MOB3A: variants seen among roughly 807,000 people sequenced by gnomAD.
MOB3A encodes MOB kinase activator 3A.
A neutral mutation model predicts 17.8 loss-of-function variants in MOB3A; 17 were observed. The ratio of observed to expected loss-of-function variants is 0.95; its 90% CI spans 0.65 to 1.43. The LOEUF (loss-of-function observed/expected upper bound fraction) is 1.43. Among genes scored for constraint, MOB3A ranks in the 40% most tolerant of loss-of-function variants. The pLI, the probability that MOB3A is intolerant of heterozygous loss-of-function variation, is 0.00. For missense variants in MOB3A, 333 were observed against 310.8 expected (o/e 1.07, Z -0.54); for synonymous variants, 124 against 133.2 (o/e 0.93, Z 0.48).
intron 1 of MOB3A, among the ~76,000 whole-genome samples, chr19:2,085,963 CAAAAAAAAAAA>C (rs1036097194): frequency 6.0e-5 from 2 of 33,394 alleles, no homozygotes; most frequent in African/African-American, 2.5e-4. Flanking sequence ...GACTCTGTCT[CAAAAAAAAAAA>C]AAAAAAAAAA....
Position 2,073,351 on chromosome 19 carries a change from G to A in MOB3A, c.*44C>T, listed in dbSNP as rs193283677. ...CCAGAGCGTCCTCCTCCAAGTCTCCGAGGCCCCAGCGGCGGTTCGGGCACC... is the reference window on the plus strand; with the variant it reads ...CCAGAGCGTCCTCCTCCAAGTCTCCAAGGCCCCAGCGGCGGTTCGGGCACC... On this transcript the variant is annotated 3_prime_UTR_variant, in exon 5 of 5. Coordinates refer to ENST00000357066, the MANE Select transcript of MOB3A (RefSeq NM_130807.3). The A allele has an allele frequency of 5.4e-4, 874 of 1,611,254 alleles. 9 individuals carry two copies. The South Asian group carries it at 7.3e-3, about 13-fold the overall frequency.
Position 2,076,225 on chromosome 19 carries a change from C to T in MOB3A, c.624+586G>A, listed in dbSNP as rs536118891. The stretch of plus-strand genomic sequence containing the variant: ...GGGCAAACCACATGGTCAGGAGATC[C>T]ATCGAGACAATCCTGGCTAACACGG... On this transcript the variant is annotated intron_variant, in intron 4 of 4. Coordinates refer to ENST00000357066, the MANE Select transcript of MOB3A (RefSeq NM_130807.3). Among the ~76,000 whole-genome samples the T allele has an allele frequency of 1.1e-4, 16 of 151,246 alleles. No individual in the cohort carries two copies. The East Asian group carries it at 3.1e-3, about 30-fold the overall frequency.
At position 2,090,756 on chromosome 19, in the gene MOB3A, T is replaced by C. The variant is rs1267046686; in HGVS notation, c.-273-5428A>G. Among the ~76,000 whole-genome samples, 4 of 152,044 alleles carry C rather than the reference T, an allele frequency of 2.6e-5. 1 individual carries two copies. Among genetic ancestry groups the C allele is most frequent in the Admixed American group, 2.6e-4 (4 of 15,268 alleles). On this transcript the variant is annotated intron_variant, in intron 1 of 4. Transcript: ENST00000357066. Reference sequence around the variant, plus strand: ...TCGTCTCACTGCAACCTCCGCCTACTGGGTTCACGCCATTCTCCTGCCTCA... The same window carrying C: ...TCGTCTCACTGCAACCTCCGCCTACCGGGTTCACGCCATTCTCCTGCCTCA...
At chr19:2,081,209 C>T (rs906414786) in intron 2 of MOB3A, among the ~76,000 whole-genome samples, 2 of 152,138 alleles carry the variant, frequency 1.3e-5, no homozygotes, top group African/African-American at 2.4e-5. Flanking sequence ...GTCAACAGAA[C>T]GGCCCCCACC....
Position 2,094,001 on chromosome 19 carries a change from G to C in MOB3A, c.-274+2225C>G, listed in dbSNP as rs149343053. 1.8e-4 allele frequency among the ~76,000 whole-genome samples: 28 copies of C among 152,000 alleles called. No homozygotes were observed. In the East Asian group the frequency reaches 3.7e-3, roughly 20 times the overall value. On this transcript the variant is annotated intron_variant, in intron 1 of 4. Transcript: ENST00000357066. ...TGCAACTCTGCAACTCTGACAGCCC[G>C]GGGGGCTCATCCAGCCCTCCTTCCT...
intron 2 of MOB3A, among the ~76,000 whole-genome samples, chr19:2,084,819 T>C (rs1373605119): frequency 1.3e-5 from 2 of 151,966 alleles, no homozygotes; most frequent in East Asian, 3.9e-4. Context: ...TCAAACTCTT[T>C]ACCTCGTGAT....
intron 3 of MOB3A, 58 bp downstream of exon 3, chr19:2,078,082 C>T: frequency 1.4e-6 from 2 of 1,480,324 alleles, no homozygotes; most frequent in Non-Finnish European, 1.8e-6. Context: ...CTGTGCTCGG[C>T]CTCCCTGACT....
intron 4 of MOB3A, among the ~76,000 whole-genome samples, chr19:2,074,557 CTTT>C (rs879435121): frequency 6.9e-6 from 1 of 144,504 alleles, no homozygotes; most frequent in African/African-American, 2.5e-5. Flanking sequence ...TGTTTTTAGT[CTTT>C]TTTTTTTTTT....
At chr19:2,081,999 G>A (rs574965328) in intron 2 of MOB3A, among the ~76,000 whole-genome samples, 169 of 152,286 alleles carry the variant, frequency 1.1e-3, no homozygotes, top group African/African-American at 3.3e-3. Flanking sequence ...GGTGAGGACC[G>A]GCTGGGGGAC....
chr19:2,089,245 G>A (rs1294736328), intron 1 of MOB3A, among the ~76,000 whole-genome samples: 4 of 152,186 alleles, frequency 2.6e-5, no homozygotes, highest in Non-Finnish European at 4.4e-5. Flanking sequence ...GGGCTCACCC[G>A]TGCTGCACGT....
chr19:2,093,680 AG>A lies in MOB3A; in HGVS notation c.-274+2545del, dbSNP rs1394240500. On this transcript the variant is annotated intron_variant, in intron 1 of 4. Coordinates refer to ENST00000357066, the MANE Select transcript of MOB3A (RefSeq NM_130807.3). The surrounding 1 kb of genome is among the most constrained non-coding windows in gnomAD (Gnocchi z 4.6). ...CCCAATTCGGACCAGCCACATTGCA[AG>A]GCCTCCACAGCCACAGGTAGTAAGC... 6.6e-6 allele frequency among the ~76,000 whole-genome samples: 1 copy of A among 152,108 alleles called. No individual in the cohort carries two copies. The highest frequency in any genetic ancestry group is 2.4e-5 in the African/African-American group (1 of 41,416).
chr19:2,075,058 A>C, intron 4 of MOB3A, among the ~76,000 whole-genome samples: 1 of 133,258 alleles, frequency 7.5e-6, no homozygotes, highest in Admixed American at 7.6e-5. Flanking sequence ...GAGACAGGTT[A>C]CTGGCTGTCA....
rs1013613017 is a variant in MOB3A, at chr19:2,082,338, G to A, written c.-120+2837C>T. ...GTGCTGAGCGGCATCCCTGGCCGCC[G>A]CCCCTCCCTGCCAGGAGCTCCCCCA... On this transcript the variant is annotated intron_variant, in intron 2 of 4. Transcript: ENST00000357066. The surrounding 1 kb of genome is among the most constrained non-coding windows in gnomAD (Gnocchi z 4.1). Among the ~76,000 whole-genome samples, 5 of 152,218 alleles carry A rather than the reference G, an allele frequency of 3.3e-5. No individual in the cohort carries two copies. Among genetic ancestry groups the A allele is most frequent in the Non-Finnish European group, 7.3e-5 (5 of 68,044 alleles).
At chr19:2,091,011 TA>T (rs1288740734) in intron 1 of MOB3A, among the ~76,000 whole-genome samples, 17 of 152,192 alleles carry the variant, frequency 1.1e-4, no homozygotes, top group African/African-American at 4.1e-4. Flanking sequence ...AAGCTGAATA[TA>T]AAGCTCTGCA....
rs34147715 is a variant in MOB3A at position 2,078,229 on chromosome 19, G to T, written c.332C>A (p.Thr111Lys). The T allele has an allele frequency of 3.7e-6, 6 of 1,613,642 alleles. No individual in the cohort carries two copies. The highest frequency in any genetic ancestry group is 2.7e-5 in the African/African-American group (2 of 74,918). ...WQDEHKFRKP[T>K]ALSAPRYMDL... ...CATGTACCTGGGCGCGGAGAGTGCCGTGGGCTTCCGGAACTTATGCTCATC... is the reference window on the plus strand; with the variant it reads ...CATGTACCTGGGCGCGGAGAGTGCCTTGGGCTTCCGGAACTTATGCTCATC... The change falls in exon 3 of 5, where the codon ACG becomes AAG. Residue 111 changes from threonine (T) to lysine (K), a missense_variant. Thr to Lys is a moderately conservative substitution (Grantham distance 78). Transcript: ENST00000357066.
intron 1 of MOB3A, among the ~76,000 whole-genome samples, chr19:2,090,775 T>G (rs1380480783): frequency 1.3e-5 from 2 of 152,152 alleles, no homozygotes; most frequent in Non-Finnish European, 2.9e-5. Context: ...GCCATTCTCC[T>G]GCCTCAGCCT....
At chr19:2,081,064 C>T (rs1340710285) in intron 2 of MOB3A, among the ~76,000 whole-genome samples, 2 of 151,900 alleles carry the variant, frequency 1.3e-5, no homozygotes, top group African/African-American at 2.4e-5. Flanking sequence ...CCCGGGAGTT[C>T]GAGGCTGCAG....
At position 2,073,355 on chromosome 19, in the gene MOB3A, C is replaced by A. The variant is rs2286364; in HGVS notation, c.*40G>T. 0.045 allele frequency: 71,905 copies of A among 1,611,148 alleles called. 1,797 individuals are homozygous for A. Among genetic ancestry groups the A allele is most frequent in the African/African-American group, 0.075 (5,610 of 74,928 alleles). On this transcript the variant is annotated 3_prime_UTR_variant, in exon 5 of 5. Transcript: ENST00000357066. ...AGCGTCCTCCTCCAAGTCTCCGAGG[C>A]CCCAGCGGCGGTTCGGGCACCGGGA... is the stretch of plus-strand genomic sequence containing the variant.
At chr19:2,092,237 A>T (rs1283527729) in intron 1 of MOB3A, among the ~76,000 whole-genome samples, 1 of 150,988 alleles carries the variant, frequency 6.6e-6, no homozygotes, top group Non-Finnish European at 1.5e-5. Flanking sequence ...AGTAGCTGGG[A>T]CCACAGGTGC....
Sources: gnomAD v4.1 joint callset for allele counts (sites outside exome capture counted in the v4.1 genomes callset) on GRCh38, gnomAD v4.1.1 for gene constraint, Gnocchi (gnomAD v3.1) non-coding constraint, MANE v1.5 for transcripts, NCBI Gene and HGNC (gene_info 2026-07-23, HGNC 2026-07-21) for gene names.